The following KCNJ6 variants were observed in gnomAD, a reference collection of about 807,000 sequenced individuals.
KCNJ6 encodes G protein-activated inward rectifier potassium channel 2.
Under a neutral mutation model 34.2 loss-of-function variants are expected in KCNJ6, and 9 were observed. That is an observed-to-expected ratio of 0.26 (90% confidence interval 0.16 to 0.46). The LOEUF (loss-of-function observed/expected upper bound fraction) is 0.46. Among genes scored for constraint, KCNJ6 ranks in the 20% least tolerant of loss-of-function variants. The pLI is 1.00. For synonymous variants in KCNJ6, 196 were observed against 207.1 expected (o/e 0.95, Z 0.46); for missense variants, 236 against 531.3 (o/e 0.44, Z 5.46).
At chr21:37,728,726 G>A (rs1401666866) in intron 2 of KCNJ6, among the ~76,000 whole-genome samples, 1 of 151,944 alleles carries the variant, frequency 6.6e-6, no homozygotes, top group Non-Finnish European at 1.5e-5. Flanking sequence ...GAATTGCAAA[G>A]CAGATGTAGA....
At chr21:37,626,762 A>G (rs1192292698) in intron 3 of KCNJ6, among the ~76,000 whole-genome samples, 2 of 152,236 alleles carry the variant, frequency 1.3e-5, no homozygotes, top group Non-Finnish European at 2.9e-5. Flanking sequence ...TCTATGGCCC[A>G]TGATACTTTT....
Position 37,705,038 on chromosome 21 carries a change from A to G in KCNJ6, c.946+9173T>C, listed in dbSNP as rs182343473. On this transcript the variant is annotated intron_variant, in intron 3 of 3. Transcript: ENST00000609713. ...CTAGACTGCCCTTTCAAGGGACTCA[A>G]TGCCAACTGTTATGCAAGACTGGAT... is the stretch of plus-strand genomic sequence containing the variant. Among the ~76,000 whole-genome samples the G allele has an allele frequency of 6.6e-5, 10 of 152,252 alleles. No individual in the cohort carries two copies. The East Asian group carries it at 1.7e-3, about 26-fold the overall frequency.
At chr21:37,895,842 C>T (rs931006546) in intron 1 of KCNJ6, among the ~76,000 whole-genome samples, 3 of 152,188 alleles carry the variant, frequency 2.0e-5, no homozygotes, top group African/African-American at 7.2e-5. Flanking sequence ...TAAAATGTTG[C>T]AGTTTCTCAG....
intron 1 of KCNJ6, among the ~76,000 whole-genome samples, chr21:37,879,754 T>A (rs1202768059): frequency 1.6e-5 from 2 of 124,544 alleles, no homozygotes; most frequent in Admixed American, 8.7e-5. Flanking sequence ...TGTGTGTGTG[T>A]GTGACAGAGA....
Position 37,620,882 on chromosome 21 carries a change from T to C in KCNJ6, c.*4277A>G, listed in dbSNP as rs2054287985. ...TTCTGACAGAATTTTGACTTCTAGA[T>C]GACACTCTGCATCTAAAGCACTCAA... On this transcript the variant is annotated 3_prime_UTR_variant, in exon 4 of 4. Coordinates refer to ENST00000609713, the MANE Select transcript of KCNJ6 (RefSeq NM_002240.5). 1 of 152,226 alleles carries C rather than the reference T, an allele frequency of 6.6e-6. No individual in the cohort carries two copies. The highest frequency in any genetic ancestry group is 2.4e-5 in the African/African-American group (1 of 41,454). 9.4% of individuals were successfully genotyped at this position (152,226 alleles called of 1,614,324 possible). A position where few individuals can be genotyped will look rare whatever the true frequency, so the allele number is the denominator to read the frequency against.
intron 2 of KCNJ6, among the ~76,000 whole-genome samples, chr21:37,744,222 T>G (rs1013477988): frequency 8.3e-4 from 124 of 149,894 alleles, no homozygotes; most frequent in Middle Eastern, 3.4e-3. Flanking sequence ...AAATGACGAG[T>G]TAATGGGTGC....
intron 2 of KCNJ6, among the ~76,000 whole-genome samples, chr21:37,773,953 A>G (rs2055129829): frequency 6.6e-6 from 1 of 152,248 alleles, no homozygotes; most frequent in Admixed American, 6.5e-5. Flanking sequence ...CCTCTGGGTC[A>G]CCCTCATGTG....
At chr21:37,725,079 T>C (rs904527931) in intron 2 of KCNJ6, among the ~76,000 whole-genome samples, 3 of 151,966 alleles carry the variant, frequency 2.0e-5, no homozygotes, top group African/African-American at 7.3e-5. Flanking sequence ...ACACGACACA[T>C]ATATATTCCC....
intron 1 of KCNJ6, among the ~76,000 whole-genome samples, chr21:37,871,124 T>C (rs991220088): frequency 6.6e-6 from 1 of 152,132 alleles, no homozygotes; most frequent in African/African-American, 2.4e-5. Context: ...CACAAGAGCT[T>C]AGTATGGATG....
chr21:37,837,451 G>C (rs190335956), intron 2 of KCNJ6, among the ~76,000 whole-genome samples: 2 of 152,294 alleles, frequency 1.3e-5, no homozygotes, highest in African/African-American at 4.8e-5. Flanking sequence ...GCACGTAGCG[G>C]AAAGAAATGC....
rs189202068 is a variant in KCNJ6 at position 37,886,456 on chromosome 21, C to G, written c.-28+29428G>C. On this transcript the variant is annotated intron_variant, in intron 1 of 3. Transcript: ENST00000609713. ...TAATAATTTGGGTTTGGGGATGGAT[C>G]ATCCTGGGTCTTTCCAAGCTCCTTA... is the stretch of plus-strand genomic sequence containing the variant. Among the ~76,000 whole-genome samples the G allele has an allele frequency of 1.9e-4, 29 of 152,292 alleles. No homozygotes were observed. The East Asian group carries it at 5.6e-3, about 29-fold the overall frequency.
chr21:37,771,096 A>G (rs1601463986), intron 2 of KCNJ6, among the ~76,000 whole-genome samples: 1 of 152,288 alleles, frequency 6.6e-6, no homozygotes, highest in South Asian at 2.1e-4. Flanking sequence ...TTTGGCGAGT[A>G]AGTGTGTTTT....
At chr21:37,914,048 TGTCTGTGC>T (rs1273173411) in intron 1 of KCNJ6, among the ~76,000 whole-genome samples, 1 of 150,236 alleles carries the variant, frequency 6.7e-6, no homozygotes, top group Non-Finnish European at 1.5e-5. Flanking sequence ...TGTGTGTGTG[TGTCTGTGC>T]GCGCGCGCGT....
intron 2 of KCNJ6, among the ~76,000 whole-genome samples, chr21:37,783,403 C>T (rs1468096592): frequency 2.6e-5 from 4 of 152,152 alleles, no homozygotes; most frequent in Admixed American, 1.3e-4. Flanking sequence ...ATAAATCTCA[C>T]GAGATCTGAT....
chr21:37,895,033 G>A (rs1483504853), intron 1 of KCNJ6, among the ~76,000 whole-genome samples: 2 of 152,186 alleles, frequency 1.3e-5, no homozygotes, highest in African/African-American at 2.4e-5. Context: ...TCAGCCTCCT[G>A]AGTAGCTGAC....
At chr21:37,875,798 G>T (rs779549845) in intron 1 of KCNJ6, among the ~76,000 whole-genome samples, 9 of 152,204 alleles carry the variant, frequency 5.9e-5, no homozygotes, top group Non-Finnish European at 1.2e-4. Flanking sequence ...CTAGTCTGCA[G>T]GTGTTTCCAT....
chr21:37,628,005 A>C (rs1420926200), intron 3 of KCNJ6, among the ~76,000 whole-genome samples: 1 of 152,234 alleles, frequency 6.6e-6, no homozygotes, highest in Non-Finnish European at 1.5e-5. Flanking sequence ...AAATTAGCTC[A>C]GGAAAGTTAC....
At chr21:37,881,071 A>G (rs193199401) in intron 1 of KCNJ6, among the ~76,000 whole-genome samples, 81 of 152,284 alleles carry the variant, frequency 5.3e-4, no homozygotes, top group Middle Eastern at 3.4e-3. Context: ...AGACGTGGAG[A>G]GTCTGGAGGC....
At chr21:37,653,415 C>T (rs1431217447) in intron 3 of KCNJ6, among the ~76,000 whole-genome samples, 2 of 152,084 alleles carry the variant, frequency 1.3e-5, no homozygotes, top group Non-Finnish European at 2.9e-5. Flanking sequence ...GCAAGGGGTG[C>T]TGGCCAGGCT....
Sources: gnomAD v4.1 joint callset for allele counts (sites outside exome capture counted in the v4.1 genomes callset) on GRCh38, gnomAD v4.1.1 for gene constraint, MANE v1.5 for transcripts, NCBI Gene and HGNC (gene_info 2026-07-23, HGNC 2026-07-21) for gene names.